Variants in ZNF100 observed in about 807,000 individuals in gnomAD.
The protein encoded by ZNF100 is zinc finger protein 100.
A neutral mutation model predicts 15.8 loss-of-function variants in ZNF100; 12 were observed. The ratio of observed to expected loss-of-function variants is 0.76; its 90% confidence interval spans 0.49 to 1.23. The LOEUF is 1.23. Among genes scored for constraint, ZNF100 ranks in the 50% most tolerant of loss-of-function variants. The pLI, the probability that ZNF100 is intolerant of heterozygous loss-of-function variation, is 0.00. For missense variants in ZNF100, 670 were observed against 635.6 expected, an observed-to-expected ratio of 1.05 and a Z score of -0.58; for synonymous variants, 226 against 214.8, an observed-to-expected ratio of 1.05 and a Z score of -0.45.
Position 21,767,509 on chromosome 19 carries a change from C to A in ZNF100, c.-80G>T. 2 of 1,596,082 alleles carry A rather than the reference C, an allele frequency of 1.3e-6. No individual in the cohort carries two copies. The highest frequency in any genetic ancestry group is 1.7e-6 in the Non-Finnish European group (2 of 1,168,230). On this transcript the variant is annotated 5_prime_UTR_variant, in exon 1 of 5. Coordinates refer to ENST00000358296, the MANE Select transcript of ZNF100 (RefSeq NM_173531.4). ...AGGTCAGAGGGCCACACAGGCTAGG[C>A]CCCTAGGAGCAGAAGACACAGAGAA...
rs1378799394 is a variant in ZNF100, at chr19:21,727,431, C to T, written c.881G>A (p.Cys294Tyr). The stretch of plus-strand genomic sequence containing the variant: ...TGAAGACCGGTTAAAAGCTTTCCCA[C>T]ATTCTTCACATCTGTATGGTTTCTC... Reference protein sequence around the residue: ...TGEKPYRCEECGKAFNRSSHL... With the variant: ...TGEKPYRCEEYGKAFNRSSHL... Residue 294 changes from cysteine (C) to tyrosine (Y), a missense_variant, in exon 5 of 5, where the codon TGT (cysteine) becomes TAT (tyrosine). Physicochemically the swap from Cys to Tyr is radical, Grantham distance 194. Coordinates refer to ENST00000358296, the MANE Select transcript of ZNF100 (RefSeq NM_173531.4). The T allele has an allele frequency of 6.2e-7, 1 of 1,613,064 alleles. No individual in the cohort carries two copies. The highest frequency in any genetic ancestry group is 1.7e-5 in the Admixed American group (1 of 59,982).
At chr19:21,759,326 G>GA (rs1255094905) in intron 2 of ZNF100, among the ~76,000 whole-genome samples, 3 of 152,148 alleles carry the variant, frequency 2.0e-5, no homozygotes. Flanking sequence ...GGGGAAAGAT[G>GA]AAACATATAG....
chr19:21,744,020 G>A lies in ZNF100; in HGVS notation c.319C>T (p.Pro107Ser). The A allele has an allele frequency of 6.2e-7, 1 of 1,609,708 alleles. No homozygotes were observed. The highest frequency in any genetic ancestry group is 8.5e-7 in the Non-Finnish European group (1 of 1,178,220). The change falls in exon 4 of 5, where the codon CCA becomes TCA. Residue 107 changes from proline (P) to serine (S), a missense_variant. Transcript: ENST00000358296. Reference sequence around the variant, plus strand: ...TGTTGTGTTCACTCTCACCTACCTGGGGGTTTGGCTACCATCTCATGTCTC... The same window carrying A: ...TGTTGTGTTCACTCTCACCTACCTGAGGGTTTGGCTACCATCTCATGTCTC... ...IKRHEMVAKP[P>S]VICSHFPQDL...
intron 2 of ZNF100, chr19:21,751,672 G>T (rs530837718): frequency 5.4e-6 from 7 of 1,299,770 alleles, no homozygotes; most frequent in Non-Finnish European, 7.7e-6. Flanking sequence ...GGCATTTTTC[G>T]GAGCTTCTTC....
At chr19:21,729,679 T>G (rs1278911883) in intron 4 of ZNF100, among the ~76,000 whole-genome samples, 1 of 152,164 alleles carries the variant, frequency 6.6e-6, no homozygotes, top group East Asian at 1.9e-4. Flanking sequence ...TCTAAGTATA[T>G]GCACATACAC....
rs1304809267 is a variant in ZNF100 at position 21,725,412 on chromosome 19, A to T, written c.*1271T>A. The stretch of plus-strand genomic sequence containing the variant: ...GAAATTAAGTTTTCTCATAATGCAG[A>T]ATATTACTCTGAATGCCTAACGCAC... On this transcript the variant is annotated 3_prime_UTR_variant, in exon 5 of 5. Coordinates refer to ENST00000358296, the MANE Select transcript of ZNF100 (RefSeq NM_173531.4). 1 of 152,164 alleles carries T rather than the reference A, an allele frequency of 6.6e-6. No individual in the cohort carries two copies. Among genetic ancestry groups the T allele is most frequent in the Non-Finnish European group, 1.5e-5 (1 of 68,002 alleles). The allele number at this position is 152,164 out of a possible 1,614,324, so 9.4% of individuals were successfully genotyped here. A position where few individuals can be genotyped will look rare whatever the true frequency, so the allele number is the denominator to read the frequency against.
At chr19:21,758,136 TGCA>T (rs1346999217) in intron 2 of ZNF100, among the ~76,000 whole-genome samples, 2 of 151,778 alleles carry the variant, frequency 1.3e-5, no homozygotes, top group Non-Finnish European at 2.9e-5. Flanking sequence ...TAAAGATCTC[TGCA>T]GCAACACGGA....
intron 2 of ZNF100, among the ~76,000 whole-genome samples, chr19:21,756,082 GTTAC>G (rs1200414256): frequency 3.9e-5 from 6 of 152,152 alleles, no homozygotes; most frequent in Admixed American, 6.6e-5. Context: ...GGAAAAAAAT[GTTAC>G]TTATCACATA....
intron 2 of ZNF100, 66 bp downstream of exon 2, chr19:21,765,628 G>T: frequency 6.8e-7 from 1 of 1,466,846 alleles, no homozygotes; most frequent in Non-Finnish European, 9.5e-7. Context: ...TGGCTGACCA[G>T]CAACGTGTCT....
chr19:21,728,289 G>C lies in ZNF100; in HGVS notation c.323-300C>G, dbSNP rs1170972650. Among the ~76,000 whole-genome samples the C allele has an allele frequency of 3.3e-5, 5 of 152,038 alleles. No individual in the cohort carries two copies. In the East Asian group the frequency reaches 9.6e-4, roughly 29 times the overall value. Reference sequence around the variant, plus strand: ...TTTCTGCTCCCCAATATAACATACTGTCTTTAGAAGTAAATTGCCAACTTG... The same window carrying C: ...TTTCTGCTCCCCAATATAACATACTCTCTTTAGAAGTAAATTGCCAACTTG... On this transcript the variant is annotated intron_variant, in intron 4 of 4. Transcript: ENST00000358296.
intron 4 of ZNF100, among the ~76,000 whole-genome samples, chr19:21,740,561 G>C (rs999268746): frequency 6.6e-6 from 1 of 152,034 alleles, no homozygotes; most frequent in Non-Finnish European, 1.5e-5. Context: ...CATGTGATAA[G>C]AGTTAATATT....
chr19:21,755,858 C>T (rs984968909), intron 2 of ZNF100, among the ~76,000 whole-genome samples: 1 of 152,154 alleles, frequency 6.6e-6, no homozygotes, highest in Non-Finnish European at 1.5e-5. Flanking sequence ...TGCATGTTCT[C>T]ACTCATAAGT....
intron 4 of ZNF100, among the ~76,000 whole-genome samples, chr19:21,734,885 G>A (rs1216115158): frequency 6.6e-6 from 1 of 152,088 alleles, no homozygotes; most frequent in East Asian, 1.9e-4. Flanking sequence ...CAAGCCAGAA[G>A]ACATTGGGGG....
intron 4 of ZNF100, among the ~76,000 whole-genome samples, chr19:21,732,896 C>T (rs1232126732): frequency 6.6e-6 from 1 of 151,930 alleles, no homozygotes; most frequent in Non-Finnish European, 1.5e-5. Context: ...AATAAAAATT[C>T]AGGGCATTTA....
chr19:21,738,325 T>C (rs1419143096), intron 4 of ZNF100, among the ~76,000 whole-genome samples: 1 of 114,354 alleles, frequency 8.7e-6, no homozygotes, highest in Non-Finnish European at 1.9e-5. Flanking sequence ...TTAAAATTAA[T>C]GTGGAACCCA....
intron 2 of ZNF100, among the ~76,000 whole-genome samples, chr19:21,755,180 G>A (rs985736783): frequency 2.0e-5 from 3 of 152,040 alleles, no homozygotes; most frequent in Non-Finnish European, 4.4e-5. Flanking sequence ...GCATGGTGGG[G>A]CATGTAATCC....
At chr19:21,763,262 C>T (rs1038127803) in intron 2 of ZNF100, among the ~76,000 whole-genome samples, 48 of 150,852 alleles carry the variant, frequency 3.2e-4, no homozygotes, top group African/African-American at 8.0e-4. Context: ...GGACCCTTTT[C>T]GGTAAAATCT....
At chr19:21,759,778 C>T (rs2036450574) in intron 2 of ZNF100, among the ~76,000 whole-genome samples, 1 of 152,178 alleles carries the variant, frequency 6.6e-6, no homozygotes, top group Admixed American at 6.5e-5. Context: ...ATGGTCTAAA[C>T]AGGAGAGGCA....
intron 2 of ZNF100, 64 bp downstream of exon 2, chr19:21,765,630 A>G: frequency 6.8e-7 from 1 of 1,475,626 alleles, no homozygotes; most frequent in Non-Finnish European, 9.4e-7. Flanking sequence ...GCTGACCAGC[A>G]ACGTGTCTCC....
Sources: allele counts gnomAD v4.1 joint callset (sites outside exome capture counted in the v4.1 genomes callset), GRCh38; gene constraint gnomAD v4.1.1; transcripts MANE v1.5; gene names NCBI Gene and HGNC (gene_info 2026-07-23, HGNC 2026-07-21).